The following BRD10 variants were observed in gnomAD, a reference collection of about 807,000 sequenced individuals.
BRD10 encodes uncharacterized bromodomain-containing protein 10.
the BRD10 span, among the ~76,000 whole-genome samples, chr9:5,917,961 C>T: frequency 6.6e-6 from 1 of 152,206 alleles, no homozygotes; most frequent in Non-Finnish European, 1.5e-5. Flanking sequence ...GAGAATTCTT[C>T]TGAGACAAAA....
At chr9:5,948,976 T>C in the BRD10 span, among the ~76,000 whole-genome samples, 1 of 152,112 alleles carries the variant, frequency 6.6e-6, no homozygotes, top group African/African-American at 2.4e-5. Context: ...GGATATCACT[T>C]GTGACATGAA....
the BRD10 span, among the ~76,000 whole-genome samples, chr9:5,992,225 T>C: frequency 6.6e-6 from 1 of 152,228 alleles, no homozygotes; most frequent in Non-Finnish European, 1.5e-5. Flanking sequence ...AGGAACTTTG[T>C]TTTGTTAATG....
chr9:5,969,200 A>G, the BRD10 span: 1 of 1,613,832 alleles, frequency 6.2e-7, no homozygotes, highest in Non-Finnish European at 8.5e-7. Flanking sequence ...AGAAGTCATT[A>G]TTTTCGATAG....
At chr9:5,881,504 G>A in the BRD10 span, 1 of 152,280 alleles carries the variant, frequency 6.6e-6, no homozygotes, top group Non-Finnish European at 1.5e-5. Flanking sequence ...GGGAGGCTTG[G>A]AGACCAGGGA....
chr9:5,997,911 G>C, the BRD10 span, among the ~76,000 whole-genome samples: 1 of 152,064 alleles, frequency 6.6e-6, no homozygotes, highest in South Asian at 2.1e-4. Flanking sequence ...TAATAAATAA[G>C]TTCAAACTAT....
chr9:5,898,339 C>T, the BRD10 span, among the ~76,000 whole-genome samples: 1 of 152,246 alleles, frequency 6.6e-6, no homozygotes, highest in African/African-American at 2.4e-5. Context: ...AAACACTCCA[C>T]ATATGGCCCA....
the BRD10 span, among the ~76,000 whole-genome samples, chr9:5,954,861 C>T: frequency 2.0e-5 from 3 of 152,104 alleles, no homozygotes; most frequent in South Asian, 4.1e-4. Context: ...GAGGCCAAGG[C>T]AGGCGGATCA....
the BRD10 span, among the ~76,000 whole-genome samples, chr9:5,879,824 A>G: frequency 3.3e-5 from 5 of 152,234 alleles, no homozygotes; most frequent in African/African-American, 1.2e-4. Context: ...ACCTCTGACT[A>G]TAATTCTAAA....
the BRD10 span, among the ~76,000 whole-genome samples, chr9:5,882,688 T>A: frequency 6.6e-6 from 1 of 152,204 alleles, no homozygotes; most frequent in African/African-American, 2.4e-5. Flanking sequence ...ACTTTTCCTT[T>A]AAAAACCCTT....
the BRD10 span, among the ~76,000 whole-genome samples, chr9:5,938,233 G>T: frequency 6.6e-6 from 1 of 152,144 alleles, no homozygotes; most frequent in African/African-American, 2.4e-5. Context: ...TTGAGCCCAG[G>T]AGTTTGAGAC....
the BRD10 span, among the ~76,000 whole-genome samples, chr9:6,003,525 T>C: frequency 1.6e-4 from 24 of 152,314 alleles, no homozygotes; most frequent in South Asian, 2.1e-3. Context: ...TTCTTGAGAA[T>C]AGATATGTTA....
chr9:5,966,308 C>T, the BRD10 span, among the ~76,000 whole-genome samples: 29 of 152,020 alleles, frequency 1.9e-4, no homozygotes, highest in African/African-American at 6.5e-4. Context: ...TTATAAACCA[C>T]TTTATTGCCT....
the BRD10 span, among the ~76,000 whole-genome samples, chr9:5,926,123 G>A: frequency 6.6e-6 from 1 of 151,970 alleles, no homozygotes; most frequent in Non-Finnish European, 1.5e-5. Flanking sequence ...TCACCATGTT[G>A]GCCAAGCTGG....
the BRD10 span, among the ~76,000 whole-genome samples, chr9:5,889,130 A>G: frequency 7.2e-5 from 11 of 152,244 alleles, no homozygotes; most frequent in African/African-American, 2.4e-4. Flanking sequence ...CAAATCAATG[A>G]GTTGCACCGA....
chr9:6,006,258 A>G, the BRD10 span, among the ~76,000 whole-genome samples: 4 of 152,220 alleles, frequency 2.6e-5, no homozygotes, highest in Non-Finnish European at 5.9e-5. Context: ...GAGAAGTACT[A>G]TTATTATCCC....
chr9:5,956,897 T>C, the BRD10 span, among the ~76,000 whole-genome samples: 2 of 152,236 alleles, frequency 1.3e-5, no homozygotes, highest in East Asian at 3.9e-4. Flanking sequence ...TTAGCACACA[T>C]AAGTTCTAAG....
the BRD10 span, chr9:6,007,820 C>G: frequency 3.1e-5 from 44 of 1,430,304 alleles, no homozygotes; most frequent in Non-Finnish European, 3.7e-5. Flanking sequence ...CGGTGTGGAA[C>G]AGCCGCTCGA....
chr9:5,924,160 C>A, the BRD10 span, among the ~76,000 whole-genome samples: 3 of 152,074 alleles, frequency 2.0e-5, no homozygotes, highest in East Asian at 1.9e-4. Context: ...AAAAGAAGAG[C>A]ATGAACCAAT....
the BRD10 span, among the ~76,000 whole-genome samples, chr9:5,948,263 C>T: frequency 6.6e-6 from 1 of 152,154 alleles, no homozygotes; most frequent in African/African-American, 2.4e-5. Context: ...AGATGACACA[C>T]TGCTAGAGGA....
Sources: gnomAD v4.1 joint callset for allele counts (sites outside exome capture counted in the v4.1 genomes callset) on GRCh38, gnomAD v4.1.1 for gene constraint, MANE v1.5 for transcripts, NCBI Gene and HGNC (gene_info 2026-07-23, HGNC 2026-07-21) for gene names.